ATP6V1E1: variants seen among roughly 807,000 people sequenced by gnomAD.
ATP6V1E1 encodes V-type proton ATPase subunit E 1.
In ATP6V1E1, 21 loss-of-function variants were observed where a neutral mutation model predicts 35.2. That is an observed-to-expected ratio of 0.60 (90% CI 0.42 to 0.86). The LOEUF (loss-of-function observed/expected upper bound fraction) is 0.86, where lower values mean the gene tolerates loss of function less well. Ranked by LOEUF, ATP6V1E1 falls within the 40% of genes least tolerant of loss-of-function variation. The pLI, the probability that ATP6V1E1 is intolerant of heterozygous loss-of-function variation, is 0.00. For synonymous variants in ATP6V1E1, 83 were observed against 87.8 expected (o/e 0.95, Z 0.30); for missense variants, 183 against 272.6 (o/e 0.67, Z 2.32).
intron 7 of ATP6V1E1, chr22:17,595,058 G>GT (rs367683453): frequency 0.047 from 7,183 of 151,650 alleles, 318 homozygotes; most frequent in African/African-American, 0.12. Flanking sequence ...GTGTCAATTT[G>GT]TTTTGTTTTT....
chr22:17,619,173 T>C, intron 2 of ATP6V1E1: 1 of 460,888 alleles, frequency 2.2e-6, no homozygotes. Context: ...ATGCCTGTAA[T>C]CTCAGCTACT....
chr22:17,618,215 A>G (rs2057856406), intron 2 of ATP6V1E1, among the ~76,000 whole-genome samples: 1 of 152,198 alleles, frequency 6.6e-6, no homozygotes, highest in African/African-American at 2.4e-5. Context: ...GTTGTTAAAT[A>G]TCTGAATTTT....
intron 1 of ATP6V1E1, among the ~76,000 whole-genome samples, chr22:17,623,377 T>C (rs1354878269): frequency 1.3e-5 from 2 of 152,176 alleles, no homozygotes; most frequent in African/African-American, 4.8e-5. Flanking sequence ...TTATTCTATC[T>C]GGAATTTTAA....
intron 2 of ATP6V1E1, among the ~76,000 whole-genome samples, chr22:17,616,111 G>A (rs1486636053): frequency 1.3e-5 from 2 of 151,922 alleles, no homozygotes; most frequent in South Asian, 2.1e-4. Flanking sequence ...ACTTTGGGAG[G>A]CTGAAGCTGG....
chr22:17,627,978 G>T (rs143164480), intron 1 of ATP6V1E1, among the ~76,000 whole-genome samples: 1 of 147,538 alleles, frequency 6.8e-6, no homozygotes, highest in Non-Finnish European at 1.5e-5. Flanking sequence ...TGACAAGGCT[G>T]GTTTGTTTTT....
At chr22:17,607,116 CAA>C (rs2057790599) in intron 4 of ATP6V1E1, among the ~76,000 whole-genome samples, 1 of 151,996 alleles carries the variant, frequency 6.6e-6, no homozygotes, top group Non-Finnish European at 1.5e-5. Flanking sequence ...AATTCAAACA[CAA>C]TGATTTTTTT....
intron 4 of ATP6V1E1, among the ~76,000 whole-genome samples, chr22:17,606,355 C>T (rs1391533376): frequency 6.9e-6 from 1 of 145,084 alleles, no homozygotes; most frequent in Non-Finnish European, 1.5e-5. Flanking sequence ...CCACTCAAAG[C>T]ATGTATGTGT....
chr22:17,615,785 C>A (rs538358556), intron 2 of ATP6V1E1, among the ~76,000 whole-genome samples: 2 of 152,260 alleles, frequency 1.3e-5, no homozygotes, highest in East Asian at 3.9e-4. Context: ...GTAATCCCAA[C>A]ACTTTGGGAG....
chr22:17,612,459 T>G (rs922815129), intron 4 of ATP6V1E1, among the ~76,000 whole-genome samples: 1 of 152,332 alleles, frequency 6.6e-6, no homozygotes, highest in Non-Finnish European at 1.5e-5. Flanking sequence ...ATACAAAAGT[T>G]TCCACAGCTT....
chr22:17,601,874 T>TG (rs2057763799), intron 4 of ATP6V1E1, among the ~76,000 whole-genome samples: 1 of 152,000 alleles, frequency 6.6e-6, no homozygotes, highest in African/African-American at 2.4e-5. Context: ...CCCAAAGTGC[T>TG]GGGATTACAG....
At chr22:17,598,314 G>A in intron 6 of ATP6V1E1, 26 bp from the exon 7 acceptor site, 3 of 1,547,736 alleles carry the variant, frequency 1.9e-6, no homozygotes, top group East Asian at 2.2e-5. Context: ...ACAATGAGAG[G>A]TGTCACTAGG....
intron 4 of ATP6V1E1, among the ~76,000 whole-genome samples, chr22:17,609,016 G>A (rs999616771): frequency 6.6e-6 from 1 of 152,010 alleles, no homozygotes. Flanking sequence ...GAACCCGGGA[G>A]GCAGAGTCTG....
intron 1 of ATP6V1E1, among the ~76,000 whole-genome samples, chr22:17,624,511 G>A (rs9605350): frequency 0.096 from 14,590 of 151,980 alleles, 773 homozygotes; most frequent in African/African-American, 0.13. Flanking sequence ...CTGAGATCAC[G>A]CCATGGCACT....
intron 4 of ATP6V1E1, among the ~76,000 whole-genome samples, chr22:17,606,815 C>T (rs1179862119): frequency 6.6e-6 from 1 of 152,202 alleles, no homozygotes; most frequent in Non-Finnish European, 1.5e-5. Flanking sequence ...ATCCAAAGAC[C>T]ACCATGCTCT....
chr22:17,607,140 A>G (rs1601382092), intron 4 of ATP6V1E1, among the ~76,000 whole-genome samples: 1 of 150,348 alleles, frequency 6.7e-6, no homozygotes, highest in Non-Finnish European at 1.5e-5. Flanking sequence ...ACCATTCTTT[A>G]CCTGTTCTTC....
Position 17,604,234 on chromosome 22 carries a change from C to CT in ATP6V1E1, c.277-3054dup, listed in dbSNP as rs1420396546. Among the ~76,000 whole-genome samples the CT allele has an allele frequency of 2.6e-5, 4 of 152,178 alleles. No homozygotes were observed. In the South Asian group the frequency reaches 6.2e-4, roughly 24 times the overall value. On this transcript the variant is annotated intron_variant, in intron 4 of 8. Transcript: ENST00000253413. Reference sequence around the variant, plus strand: ...CCCAGTGACACCCTCTGGTGTGACTCTAACTTCAATTAACTTTCTGGTTAT... The same window carrying CT: ...CCCAGTGACACCCTCTGGTGTGACTCTTAACTTCAATTAACTTTCTGGTTAT...
rs545154757 is a variant in ATP6V1E1, at chr22:17,614,411, C to T, written c.100-1091G>A. Among the ~76,000 whole-genome samples the T allele has an allele frequency of 3.7e-3, 556 of 151,634 alleles. 2 individuals are homozygous for T. Among genetic ancestry groups the T allele is most frequent in the African/African-American group, 0.013 (524 of 41,360 alleles). ...TGGCCTAACGCCTGCCATCCCAGCA[C>T]TTTGGGGGGCTGAGGCGGGCAGATC... is the stretch of plus-strand genomic sequence containing the variant. On this transcript the variant is annotated intron_variant, in intron 2 of 8. Transcript: ENST00000253413.
At chr22:17,606,365 T>C (rs533409455) in intron 4 of ATP6V1E1, among the ~76,000 whole-genome samples, 50 of 131,836 alleles carry the variant, frequency 3.8e-4, no homozygotes, top group Non-Finnish European at 7.1e-4. Flanking sequence ...CATGTATGTG[T>C]GCTTTTATGC....
chr22:17,625,531 T>C (rs1233010567), intron 1 of ATP6V1E1, among the ~76,000 whole-genome samples: 1 of 124,412 alleles, frequency 8.0e-6, no homozygotes, highest in Admixed American at 7.8e-5. Context: ...TCTGCCCGCC[T>C]CGGCCTCCCA....
Sources: gnomAD v4.1 joint callset for allele counts (sites outside exome capture counted in the v4.1 genomes callset) on GRCh38, gnomAD v4.1.1 for gene constraint, MANE v1.5 for transcripts, NCBI Gene and HGNC (gene_info 2026-07-23, HGNC 2026-07-21) for gene names.